ATL3: variants seen among roughly 807,000 people sequenced by gnomAD.
ATL3 encodes atlastin GTPase 3, also known as atlastin-3.
Under a neutral mutation model 69.5 loss-of-function variants are expected in ATL3, and 49 were observed. The ratio of observed to expected loss-of-function variants is 0.71; its 90% confidence interval spans 0.56 to 0.89. The LOEUF (loss-of-function observed/expected upper bound fraction) is 0.89, where lower values mean the gene tolerates loss of function less well. Ranked by LOEUF, ATL3 falls within the 40% of genes least tolerant of loss-of-function variation. The probability of loss-of-function intolerance (pLI) is 0.00; values close to 1 mark genes in which losing one functional copy is unlikely to be tolerated. For missense variants in ATL3, 606 were observed against 645.7 expected, an observed-to-expected ratio of 0.94 and a Z score of 0.67; for synonymous variants, 214 against 224.1, an observed-to-expected ratio of 0.95 and a Z score of 0.40.
intron 11 of ATL3, 85 bp downstream of exon 11, chr11:63,632,941 T>A: frequency 8.0e-7 from 1 of 1,256,506 alleles, no homozygotes. Flanking sequence ...TAAAGATACA[T>A]TAAGTAGGAT....
chr11:63,633,222 T>C (rs1345630696), intron 10 of ATL3, 125 bp from the exon 11 acceptor site: 1 of 759,594 alleles, frequency 1.3e-6, no homozygotes, highest in Non-Finnish European at 2.2e-6. Context: ...TTTTTCTAGA[T>C]TTCCATATAG....
At chr11:63,671,532 C>A (rs1590751972), upstream of ATL3, 1 of 1,427,490 alleles carries the variant, frequency 7.0e-7, no homozygotes, top group South Asian at 1.5e-5. Context: ...CAGCCCGAGG[C>A]GTGGCGAGCG....
At chr11:63,661,171 G>A (rs751144026) in intron 1 of ATL3, among the ~76,000 whole-genome samples, 4 of 151,082 alleles carry the variant, frequency 2.6e-5, no homozygotes, top group Non-Finnish European at 4.4e-5. Context: ...GCAGTGAGCC[G>A]TGATCGCGCC....
chr11:63,645,409 A>T (rs926426557), intron 6 of ATL3, among the ~76,000 whole-genome samples: 3 of 152,060 alleles, frequency 2.0e-5, no homozygotes, highest in South Asian at 2.1e-4. Flanking sequence ...CAAAAAAAAA[A>T]AATAAATTAG....
At chr11:63,634,964 C>T (rs1939466923) in intron 10 of ATL3, among the ~76,000 whole-genome samples, 1 of 151,978 alleles carries the variant, frequency 6.6e-6, no homozygotes, top group South Asian at 2.1e-4. Flanking sequence ...GAGTTGGAGA[C>T]CAGCCTGGGC....
Position 63,643,357 on chromosome 11 carries a change from C to CT in ATL3, c.849dup (p.Asp284ArgfsTer5). On this transcript the variant is annotated frameshift_variant and splice_region_variant, in exon 8 of 13. Coordinates refer to ENST00000398868, the MANE Select transcript of ATL3 (RefSeq NM_015459.5). LOFTEE classifies it high-confidence loss of function. ...GTTTAAAATAACACCTGGAACACAC[C>CT]TTTTAATTTCCCATCAAAGTCAGGG... 6.2e-7 allele frequency: 1 copy of CT among 1,603,700 alleles called. No individual in the cohort carries two copies. Among genetic ancestry groups the CT allele is most frequent in the Non-Finnish European group, 8.5e-7 (1 of 1,175,886 alleles).
rs373521219 is a variant in ATL3 at position 63,624,771 on chromosome 11, T to C, written c.*4548A>G. The stretch of plus-strand genomic sequence containing the variant: ...TAAAGAGCTTAGATAATCCTCTGAA[T>C]TAAAGGCATTCTTACTACTTCTGAA... On this transcript the variant is annotated 3_prime_UTR_variant, in exon 13 of 13. Coordinates refer to ENST00000398868, the MANE Select transcript of ATL3 (RefSeq NM_015459.5). 1 of 152,194 alleles carries C rather than the reference T, an allele frequency of 6.6e-6. No individual in the cohort carries two copies. Among genetic ancestry groups the C allele is most frequent in the African/African-American group, 2.4e-5 (1 of 41,438 alleles). 9.4% of individuals were successfully genotyped at this position (152,194 alleles called of 1,614,324 possible). A position where few individuals can be genotyped will look rare whatever the true frequency, so the allele number is the denominator to read the frequency against.
At chr11:63,663,863 T>TATAAA in intron 1 of ATL3, among the ~76,000 whole-genome samples, 1 of 152,298 alleles carries the variant, frequency 6.6e-6, no homozygotes, top group East Asian at 1.9e-4. Flanking sequence ...CCCAAATTTA[T>TATAAA]AGCTAGGATA....
chr11:63,658,946 T>G (rs1330818914), intron 2 of ATL3, 42 bp from the exon 3 acceptor site: 4 of 1,580,924 alleles, frequency 2.5e-6, no homozygotes, highest in Non-Finnish European at 3.4e-6. Context: ...AAATTAAAAA[T>G]TTTATGCATC....
chr11:63,654,587 A>G (rs183318286), intron 3 of ATL3, among the ~76,000 whole-genome samples: 4,768 of 150,838 alleles, frequency 0.032, 241 homozygotes, highest in African/African-American at 0.11. Context: ...TAGTAGAGAC[A>G]GGGTTTCACC....
chr11:63,638,143 A>G (rs1010656735), intron 8 of ATL3, among the ~76,000 whole-genome samples: 3 of 152,188 alleles, frequency 2.0e-5, no homozygotes, highest in African/African-American at 7.2e-5. Flanking sequence ...TACAGACCCT[A>G]TATGCTACTC....
intron 4 of ATL3, among the ~76,000 whole-genome samples, 189 bp downstream of exon 4, chr11:63,652,282 T>G (rs1417923756): frequency 1.3e-5 from 2 of 152,224 alleles, no homozygotes; most frequent in African/African-American, 4.8e-5. Flanking sequence ...TTATATATAA[T>G]TATGACCAAA....
chr11:63,648,130 C>G (rs751103012), intron 5 of ATL3, among the ~76,000 whole-genome samples: 1 of 150,390 alleles, frequency 6.6e-6, no homozygotes, highest in Non-Finnish European at 1.5e-5. Flanking sequence ...AAGATAAATC[C>G]AAAAAAAAAT....
chr11:63,636,334 T>C lies in ATL3; in HGVS notation c.851A>G (p.Asp284Gly). 6.2e-7 allele frequency: 1 copy of C among 1,614,014 alleles called. No homozygotes were observed. Among genetic ancestry groups the C allele is most frequent in the Non-Finnish European group, 8.5e-7 (1 of 1,179,998 alleles). ...CTGCTCTTTGAATTCACCAGCAATA[T>C]CTGTTCACAGGACGACAAAGAAGGG... ...TSPDFDGKLK[D>G]IAGEFKEQLQ... The change falls in exon 9 of 13, where the codon GAT becomes GGT. Residue 284 changes from aspartate to glycine, a missense_variant and splice_region_variant. Asp to Gly is a moderately conservative substitution (Grantham distance 94). Transcript: ENST00000398868.
intron 11 of ATL3, chr11:63,632,638 A>G (rs1939360933): frequency 6.1e-6 from 6 of 975,674 alleles, no homozygotes; most frequent in Non-Finnish European, 9.9e-6. Context: ...TAATAAGAGG[A>G]CGAATCTTCT....
intron 1 of ATL3, among the ~76,000 whole-genome samples, chr11:63,662,784 T>C (rs1197694871): frequency 6.6e-6 from 1 of 152,134 alleles, no homozygotes; most frequent in Non-Finnish European, 1.5e-5. Context: ...AAGAAGTCAA[T>C]TTAAAGTCGA....
In ATL3 at chr11:63,636,289, T is replaced by A. The variant is rs1565270878; in HGVS notation, c.896A>T (p.Tyr299Phe). The A allele has an allele frequency of 1.2e-6, 2 of 1,614,122 alleles. No individual in the cohort carries two copies. Among genetic ancestry groups the A allele is most frequent in the Non-Finnish European group, 1.7e-6 (2 of 1,180,004 alleles). Residue 299 changes from tyrosine (Y) to phenylalanine (F), a missense_variant, in exon 9 of 13, where the codon TAT becomes TTT. Tyr to Phe is a conservative substitution (Grantham distance 22). Coordinates refer to ENST00000398868, the MANE Select transcript of ATL3 (RefSeq NM_015459.5). ...FKEQLQALIPYVLNPSKLMEK... is the reference protein window; with the variant it reads ...FKEQLQALIPFVLNPSKLMEK... ...CATTAACTTAGATGGGTTTAATACA[T>A]ACGGTATCAGTGCCTGTAACTGCTC...
intron 3 of ATL3, among the ~76,000 whole-genome samples, chr11:63,655,509 G>A (rs1178442534): frequency 3.3e-5 from 5 of 149,454 alleles, no homozygotes; most frequent in African/African-American, 1.2e-4. Context: ...GTGCAATGGT[G>A]CGATCTCGGC....
At chr11:63,671,676 G>T (rs1309043983), upstream of ATL3, 2 of 1,349,992 alleles carry the variant, frequency 1.5e-6, no homozygotes, top group African/African-American at 3.0e-5. Context: ...TTTGGGAATT[G>T]TAGTCCCGCG....
Sources: gnomAD v4.1 joint callset for allele counts (sites outside exome capture counted in the v4.1 genomes callset) on GRCh38, gnomAD v4.1.1 for gene constraint, MANE v1.5 for transcripts, NCBI Gene and HGNC (gene_info 2026-07-23, HGNC 2026-07-21) for gene names.